The following AGTRAP variants were observed in gnomAD, a reference collection of about 807,000 sequenced individuals.
The protein encoded by AGTRAP is angiotensin II receptor associated protein, also known as type-1 angiotensin II receptor-associated protein.
A neutral mutation model predicts 15.2 loss-of-function variants in AGTRAP; 7 were observed. The ratio of observed to expected loss-of-function variants is 0.46; its 90% CI spans 0.26 to 0.87. The LOEUF is 0.87. Ranked by LOEUF, AGTRAP falls within the 40% of genes least tolerant of loss-of-function variation. The pLI is 0.15. For synonymous variants in AGTRAP, 74 were observed against 89.6 expected, an observed-to-expected ratio of 0.83 and a Z score of 0.98; for missense variants, 187 against 213.4, an observed-to-expected ratio of 0.88 and a Z score of 0.77.
intron 1 of AGTRAP, among the ~76,000 whole-genome samples, chr1:11,736,941 C>T (rs1422596796): frequency 6.6e-6 from 1 of 152,132 alleles, no homozygotes; most frequent in Non-Finnish European, 1.5e-5. Flanking sequence ...GTCTGGGCTC[C>T]ATTTGCATTA....
intron 1 of AGTRAP, among the ~76,000 whole-genome samples, chr1:11,738,078 A>G (rs1641943387): frequency 1.3e-5 from 2 of 152,172 alleles, no homozygotes; most frequent in African/African-American, 4.8e-5. Context: ...GGTGTTCTGT[A>G]TTTTTGTTTG....
intron 1 of AGTRAP, among the ~76,000 whole-genome samples, chr1:11,737,680 A>G (rs1348027492): frequency 2.6e-5 from 4 of 152,136 alleles, no homozygotes; most frequent in Admixed American, 2.6e-4. Flanking sequence ...GTACCAGCTT[A>G]GGGCTGACTT....
chr1:11,748,704 G>T, intron 4 of AGTRAP, 94 bp downstream of exon 4: 1 of 1,431,270 alleles, frequency 7.0e-7, no homozygotes, highest in East Asian at 2.4e-5. Context: ...CTTGCCCCAT[G>T]GGGCCAGGGC....
chr1:11,748,732 C>A, intron 4 of AGTRAP, 122 bp downstream of exon 4: 2 of 1,187,114 alleles, frequency 1.7e-6, no homozygotes, highest in Non-Finnish European at 2.3e-6. Context: ...GCAGGGAGAG[C>A]GTGGCATGGG....
At chr1:11,747,727 C>T (rs1642200881) in intron 3 of AGTRAP, among the ~76,000 whole-genome samples, 182 bp downstream of exon 3, 1 of 152,362 alleles carries the variant, frequency 6.6e-6, no homozygotes, top group Middle Eastern at 3.4e-3. Context: ...TTCAGGAGCC[C>T]AGCCTGCTGC....
intron 4 of AGTRAP, 145 bp downstream of exon 4, chr1:11,748,755 G>A (rs1642238726): frequency 1.0e-6 from 1 of 969,588 alleles, no homozygotes. Flanking sequence ...CTCTGTACTA[G>A]GCTGGACAGG....
At chr1:11,741,141 G>A (rs1238663024) in intron 1 of AGTRAP, among the ~76,000 whole-genome samples, 2 of 140,700 alleles carry the variant, frequency 1.4e-5, no homozygotes, top group Admixed American at 7.3e-5. Flanking sequence ...AAAGTTCCAC[G>A]CCCCCCTTCT....
chr1:11,743,285 A>C, intron 1 of AGTRAP, among the ~76,000 whole-genome samples: 2 of 149,810 alleles, frequency 1.3e-5, no homozygotes, highest in Non-Finnish European at 1.5e-5. Context: ...TCACTCTGTC[A>C]CCCAAGCTGG....
At chr1:11,737,343 T>G (rs554030160) in intron 1 of AGTRAP, among the ~76,000 whole-genome samples, 1 of 152,272 alleles carries the variant, frequency 6.6e-6, no homozygotes, top group African/African-American at 2.4e-5. Context: ...AGCCGAGGCT[T>G]GTTGGTATCA....
chr1:11,741,014 G>C (rs1346047183), intron 1 of AGTRAP, among the ~76,000 whole-genome samples: 1 of 152,080 alleles, frequency 6.6e-6, no homozygotes, highest in Non-Finnish European at 1.5e-5. Context: ...TAGCTCTGAA[G>C]ATAAAGATCA....
intron 1 of AGTRAP, among the ~76,000 whole-genome samples, chr1:11,738,539 G>A (rs1641952395): frequency 6.6e-6 from 1 of 152,008 alleles, no homozygotes; most frequent in Non-Finnish European, 1.5e-5. Flanking sequence ...TGGGATGGAG[G>A]GCTGAATTCC....
chr1:11,749,935 G>A, intron 4 of AGTRAP, 142 bp from the exon 5 acceptor site: 1 of 642,856 alleles, frequency 1.6e-6, no homozygotes, highest in Non-Finnish European at 2.8e-6. Flanking sequence ...TTTAGGGCCT[G>A]GGGCTGCTGC....
At chr1:11,743,207 T>TTC (rs1642074495) in intron 1 of AGTRAP, among the ~76,000 whole-genome samples, 1 of 151,774 alleles carries the variant, frequency 6.6e-6, no homozygotes, top group South Asian at 2.1e-4. Flanking sequence ...TGGAAGCTCT[T>TTC]TCTGCAGCTG....
intron 1 of AGTRAP, among the ~76,000 whole-genome samples, chr1:11,738,392 A>T (rs1641949430): frequency 6.6e-6 from 1 of 152,238 alleles, no homozygotes; most frequent in Non-Finnish European, 1.5e-5. Flanking sequence ...AGCTGCAAGA[A>T]TGACATTGTG....
intron 4 of AGTRAP, 69 bp downstream of exon 4, chr1:11,748,679 C>T (rs1557706062): frequency 6.5e-6 from 10 of 1,531,602 alleles, no homozygotes; most frequent in Admixed American, 1.8e-5. Flanking sequence ...CCAGCCTCTC[C>T]CTCAGTGAGC....
At chr1:11,746,864 A>G (rs1012282365) in intron 2 of AGTRAP, among the ~76,000 whole-genome samples, 1 of 152,220 alleles carries the variant, frequency 6.6e-6, no homozygotes, top group African/African-American at 2.4e-5. Flanking sequence ...CTAAAAATAG[A>G]ATAGGGCGGG....
Position 11,745,938 on chromosome 1 carries a change from G to T in AGTRAP, c.62+101G>T. 6.7e-7 allele frequency: 1 copy of T among 1,495,206 alleles called. No homozygotes were observed. 92.6% of individuals were successfully genotyped at this position (1,495,206 alleles called of 1,614,324 possible). Reference sequence around the variant, plus strand: ...TGCCGTGTTTTAACCAGGTCACTTTGGGCCAGACAGCTCTGCCTCTCCGGG... The same window carrying T: ...TGCCGTGTTTTAACCAGGTCACTTTTGGCCAGACAGCTCTGCCTCTCCGGG... On this transcript the variant is annotated intron_variant, in intron 2 of 4. Coordinates refer to ENST00000314340, the MANE Select transcript of AGTRAP (RefSeq NM_020350.5). This position sits in a 1 kb window ranked among gnomAD's most constrained non-coding sequence, Gnocchi z 4.2.
At chr1:11,737,464 G>A (rs1003405088) in intron 1 of AGTRAP, among the ~76,000 whole-genome samples, 1 of 152,194 alleles carries the variant, frequency 6.6e-6, no homozygotes, top group Non-Finnish European at 1.5e-5. Context: ...CAGTGGGAGG[G>A]ACAGAGCTCT....
At chr1:11,749,673 G>A (rs1642265140) in intron 4 of AGTRAP, among the ~76,000 whole-genome samples, 1 of 152,188 alleles carries the variant, frequency 6.6e-6, no homozygotes, top group African/African-American at 2.4e-5. Flanking sequence ...GTGGGCCCGG[G>A]GCTGATGTCC....
Sources: allele counts gnomAD v4.1 joint callset (sites outside exome capture counted in the v4.1 genomes callset), GRCh38; gene constraint gnomAD v4.1.1; non-coding constraint Gnocchi (gnomAD v3.1); transcripts MANE v1.5; gene names NCBI Gene and HGNC (gene_info 2026-07-23, HGNC 2026-07-21).